Variants in KLHL14 observed in about 807,000 individuals in gnomAD.
KLHL14 encodes the protein kelch-like protein 14.
In KLHL14, 22 loss-of-function variants were observed where a neutral mutation model predicts 64.3. The observed-to-expected ratio is 0.34, with a 90% CI of 0.24 to 0.49. The LOEUF is 0.49. Among genes scored for constraint, KLHL14 ranks in the 20% least tolerant of loss-of-function variants. The pLI is 0.99. For synonymous variants in KLHL14, 322 were observed against 333.4 expected, an observed-to-expected ratio of 0.97 and a Z score of 0.37; for missense variants, 661 against 789.0, an observed-to-expected ratio of 0.84 and a Z score of 1.94.
intron 2 of KLHL14, among the ~76,000 whole-genome samples, chr18:32,761,509 C>A (rs537155313): frequency 6.6e-6 from 1 of 151,588 alleles, no homozygotes; most frequent in African/African-American, 2.4e-5. Context: ...TGCCTTCTCC[C>A]CAGGCCTATT....
chr18:32,758,910 G>C (rs1910279202), intron 2 of KLHL14, among the ~76,000 whole-genome samples: 1 of 152,204 alleles, frequency 6.6e-6, no homozygotes, highest in South Asian at 2.1e-4. Flanking sequence ...AAGTAGATTA[G>C]TGGTTACCTA....
intron 3 of KLHL14, among the ~76,000 whole-genome samples, chr18:32,728,280 A>C (rs2050117485): frequency 6.6e-6 from 1 of 152,220 alleles, no homozygotes. Context: ...GCAGGCTCTG[A>C]AGCTTTATTC....
chr18:32,751,402 C>CA (rs1374766955), intron 2 of KLHL14, among the ~76,000 whole-genome samples: 1 of 152,118 alleles, frequency 6.6e-6, no homozygotes, highest in Non-Finnish European at 1.5e-5. Flanking sequence ...TAGGTAAACA[C>CA]AAAGTATCAT....
At chr18:32,677,152 G>A (rs2049815153) in intron 8 of KLHL14, 21 bp downstream of exon 8, 1 of 1,601,674 alleles carries the variant, frequency 6.2e-7, no homozygotes, top group Non-Finnish European at 8.5e-7. Flanking sequence ...AAAGGAGGAT[G>A]CAGTAAATGT....
Position 32,770,326 on chromosome 18 carries a change from T to C in KLHL14, c.266A>G (p.Gln89Arg). The C allele has an allele frequency of 6.3e-7, 1 of 1,583,874 alleles. No individual in the cohort carries two copies. Among genetic ancestry groups the C allele is most frequent in the Non-Finnish European group, 8.6e-7 (1 of 1,165,584 alleles). The change falls in exon 2 of 9, where the codon CAG becomes CGG. Residue 89 changes from glutamine to arginine, a missense_variant. Transcript: ENST00000359358. This position sits in a 1 kb window ranked among gnomAD's most constrained non-coding sequence, Gnocchi z 6.7. The stretch of plus-strand genomic sequence containing the variant: ...CTGCTGCTGCTGTGACGGCTGCTGC[T>C]GCGGCGGCTGCTGCTGGTCCTTGGG... ...GAPKDQQQPP[Q>R]QQPSQQQQPP... is the part of the protein sequence containing the mutation.
rs2050377617 is a variant in KLHL14 at position 32,770,525 on chromosome 18, G to A, written c.67C>T (p.Leu23Phe). The A allele has an allele frequency of 6.2e-7, 1 of 1,609,210 alleles. No homozygotes were observed. The highest frequency in any genetic ancestry group is 8.5e-7 in the Non-Finnish European group (1 of 1,179,552). The change falls in exon 2 of 9, where the codon CTC (leucine) becomes TTC (phenylalanine). Residue 23 changes from leucine (L) to phenylalanine (F), a missense_variant. Leu to Phe is a conservative substitution (Grantham distance 22). Around this residue, in one of 2 missense-constraint regions of KLHL14, gnomAD observed 331 missense variants for 339.0 expected, o/e 0.98. Coordinates refer to ENST00000359358, the MANE Select transcript of KLHL14 (RefSeq NM_020805.3). The surrounding 1 kb of genome is among the most constrained non-coding windows in gnomAD (Gnocchi z 6.7). ...AGCTGCTTCCTCCACAGCAGGTTGAGGCCGTGCAGCAGGTTGTCGCTGTGG... is the reference window on the plus strand; with the variant it reads ...AGCTGCTTCCTCCACAGCAGGTTGAAGCCGTGCAGCAGGTTGTCGCTGTGG... The part of the protein sequence containing the change: ...PSHSDNLLHG[L>F]NLLWRKQLFC...
chr18:32,701,820 C>T (rs554113530), intron 3 of KLHL14, among the ~76,000 whole-genome samples: 1 of 152,246 alleles, frequency 6.6e-6, no homozygotes, highest in Non-Finnish European at 1.5e-5. Flanking sequence ...CTGTTACAAG[C>T]AGTGCTGTGT....
intron 2 of KLHL14, among the ~76,000 whole-genome samples, chr18:32,759,814 C>A (rs1279604115): frequency 6.6e-6 from 1 of 151,940 alleles, no homozygotes; most frequent in Non-Finnish European, 1.5e-5. Context: ...GCTATAGTAA[C>A]CAATCCACCA....
intron 3 of KLHL14, among the ~76,000 whole-genome samples, chr18:32,707,114 G>T (rs911509147): frequency 1.3e-5 from 2 of 152,198 alleles, no homozygotes; most frequent in Non-Finnish European, 2.9e-5. Context: ...AAGCTATGTG[G>T]TGGGTATAGC....
chr18:32,719,861 C>G (rs2050067613), intron 3 of KLHL14, among the ~76,000 whole-genome samples: 1 of 152,196 alleles, frequency 6.6e-6, no homozygotes, highest in South Asian at 2.1e-4. Context: ...GTCAGAAGGA[C>G]GTGCGTAGCC....
chr18:32,765,529 T>C (rs184391604), intron 2 of KLHL14, among the ~76,000 whole-genome samples: 251 of 152,338 alleles, frequency 1.6e-3, no homozygotes, highest in Non-Finnish European at 2.8e-3. Context: ...AATGGTTGAA[T>C]AATTTCTGAT....
intron 3 of KLHL14, among the ~76,000 whole-genome samples, chr18:32,723,711 T>A (rs981849082): frequency 2.0e-5 from 3 of 152,150 alleles, no homozygotes; most frequent in African/African-American, 7.2e-5. Flanking sequence ...AGCTACTTTG[T>A]GCTAGGGCCA....
intron 4 of KLHL14, among the ~76,000 whole-genome samples, chr18:32,693,458 C>T (rs1327257293): frequency 6.9e-6 from 1 of 145,140 alleles, no homozygotes; most frequent in Non-Finnish European, 1.5e-5. Flanking sequence ...AGAGCACTCC[C>T]AGGCCTGTAT....
intron 3 of KLHL14, among the ~76,000 whole-genome samples, chr18:32,722,292 C>T (rs1302734300): frequency 6.6e-6 from 1 of 152,184 alleles, no homozygotes; most frequent in Non-Finnish European, 1.5e-5. Flanking sequence ...GGCCCCAGCT[C>T]AAACCTGTGC....
chr18:32,728,996 T>G (rs1362869641), intron 3 of KLHL14, among the ~76,000 whole-genome samples: 1 of 152,186 alleles, frequency 6.6e-6, no homozygotes, highest in Non-Finnish European at 1.5e-5. Flanking sequence ...TGTGAGAGAA[T>G]GAATTTCCAT....
At chr18:32,768,961 A>G (rs1004847077) in intron 2 of KLHL14, among the ~76,000 whole-genome samples, 1 of 152,080 alleles carries the variant, frequency 6.6e-6, no homozygotes, top group Non-Finnish European at 1.5e-5. Flanking sequence ...TCACCCCATC[A>G]CCCTGAAATC....
At chr18:32,734,194 TC>T (rs1293661475) in intron 3 of KLHL14, 1 of 702,930 alleles carries the variant, frequency 1.4e-6, no homozygotes, top group Non-Finnish European at 2.6e-6. Context: ...CCTTCTGAAC[TC>T]TGGTGAGCTT....
At chr18:32,766,329 T>C (rs942962868) in intron 2 of KLHL14, among the ~76,000 whole-genome samples, 3 of 152,086 alleles carry the variant, frequency 2.0e-5, no homozygotes, top group African/African-American at 7.2e-5. Context: ...ATTTAGACTA[T>C]GTCTTCTGTT....
chr18:32,705,749 A>T (rs1398313996), intron 3 of KLHL14, among the ~76,000 whole-genome samples: 1 of 152,226 alleles, frequency 6.6e-6, no homozygotes, highest in Non-Finnish European at 1.5e-5. Flanking sequence ...AATGTATGTT[A>T]TATTATTACA....
Sources: allele counts gnomAD v4.1 joint callset (sites outside exome capture counted in the v4.1 genomes callset), GRCh38; gene constraint gnomAD v4.1.1; regional missense constraint gnomAD v4.1.1; non-coding constraint Gnocchi (gnomAD v3.1); transcripts MANE v1.5; gene names NCBI Gene and HGNC (gene_info 2026-07-23, HGNC 2026-07-21).